The following PDE10A variants were observed in gnomAD, a reference collection of about 807,000 sequenced individuals.
The protein encoded by PDE10A is phosphodiesterase 10A, also known as cAMP and cAMP-inhibited cGMP 3',5'-cyclic phosphodiesterase 10A.
PDE10A carries 39 observed loss-of-function variants against 97.7 expected under a neutral mutation model. That is an observed-to-expected ratio of 0.40 (90% CI 0.31 to 0.52). The LOEUF (loss-of-function observed/expected upper bound fraction) is 0.52. PDE10A is among the 20% of genes least tolerant of loss of function. PDE10A has a pLI of 0.56. For missense variants in PDE10A, 731 were observed against 1,047.8 expected, an observed-to-expected ratio of 0.70 and a Z score of 4.17; for synonymous variants, 371 against 376.8, an observed-to-expected ratio of 0.98 and a Z score of 0.18.
At chr6:165,910,118 C>A (rs954312799) in intron 1 of PDE10A, among the ~76,000 whole-genome samples, 1 of 152,220 alleles carries the variant, frequency 6.6e-6, no homozygotes, top group African/African-American at 2.4e-5. Flanking sequence ...CTGGCATAAA[C>A]TAGATGCTCA....
At chr6:165,343,367 T>A (rs903234216) in intron 19 of PDE10A, 24 bp downstream of exon 19, 85 of 1,431,312 alleles carry the variant, frequency 5.9e-5, no homozygotes, top group Non-Finnish European at 8.1e-5. Flanking sequence ...ACTATCTATG[T>A]CAATATAAGA....
chr6:165,833,146 C>T (rs1779971777), intron 1 of PDE10A, among the ~76,000 whole-genome samples: 1 of 152,216 alleles, frequency 6.6e-6, no homozygotes, highest in Non-Finnish European at 1.5e-5. Context: ...TCATGGATGT[C>T]CCTGTGGCTT....
intron 1 of PDE10A, among the ~76,000 whole-genome samples, chr6:165,619,249 G>GTAGTCTAGCGTAGTGTAGTCTAGCA: frequency 6.9e-6 from 1 of 144,900 alleles, no homozygotes; most frequent in African/African-American, 2.8e-5. Context: ...GTGGTGTAGT[G>GTAGTCTAGCGTAGTGTAGTCTAGCA]TAGTCTAGTG....
intron 1 of PDE10A, among the ~76,000 whole-genome samples, chr6:165,777,552 G>A (rs1778220309): frequency 1.3e-5 from 2 of 152,206 alleles, no homozygotes; most frequent in Non-Finnish European, 2.9e-5. Context: ...TCCTAAGCAA[G>A]ATGGTCAAAT....
At chr6:165,716,261 C>T (rs1792024233) in intron 1 of PDE10A, among the ~76,000 whole-genome samples, 1 of 152,216 alleles carries the variant, frequency 6.6e-6, no homozygotes, top group Non-Finnish European at 1.5e-5. Context: ...GATGAACGCA[C>T]AGTATGATTG....
intron 1 of PDE10A, among the ~76,000 whole-genome samples, chr6:165,784,325 G>A (rs956855464): frequency 6.6e-5 from 10 of 151,980 alleles, no homozygotes; most frequent in South Asian, 2.1e-4. Context: ...CTCAACCATC[G>A]CCTCCCATGA....
In PDE10A at chr6:165,329,101, A is replaced by G. The variant is rs757425423; in HGVS notation, c.*3924T>C. On this transcript the variant is annotated 3_prime_UTR_variant, in exon 22 of 22. Transcript: ENST00000539869. ...TTTAAAGAATTAAATCCTAAATAAA[A>G]TCTGCAAAGTGTAGAAAGCAAACAT... 5 of 152,260 alleles carry G rather than the reference A, an allele frequency of 3.3e-5. No individual in the cohort carries two copies. Among genetic ancestry groups the G allele is most frequent in the Non-Finnish European group, 5.9e-5 (4 of 68,052 alleles). 9.4% of individuals were successfully genotyped at this position (152,260 alleles called of 1,614,324 possible). A position where few individuals can be genotyped will look rare whatever the true frequency, so the allele number is the denominator to read the frequency against.
chr6:165,437,575 T>TACTTTATAGTGGAA (rs1790115368), intron 5 of PDE10A, among the ~76,000 whole-genome samples: 1 of 152,234 alleles, frequency 6.6e-6, no homozygotes, highest in Non-Finnish European at 1.5e-5. Context: ...AATTGAGTAA[T>TACTTTATAGTGGAA]ACTTTATAGT....
rs1790362245 is a variant in PDE10A at position 165,662,873 on chromosome 6, T to TAGGGA, written c.-63_-62insTCCCT. 6.6e-6 allele frequency among the ~76,000 whole-genome samples: 1 copy of TAGGGA among 150,520 alleles called. No individual in the cohort carries two copies. Among genetic ancestry groups the TAGGGA allele is most frequent in the Non-Finnish European group, 1.5e-5 (1 of 67,374 alleles). ...CGGGAGGGGCGCGGCGGGCCGGGGCTCGGTGGGCTCCGCCCCCGCAGGACC... is the reference window on the plus strand; with the variant it reads ...CGGGAGGGGCGCGGCGGGCCGGGGCTAGGGACGGTGGGCTCCGCCCCCGCAGGACC... On this transcript the variant is annotated 5_prime_UTR_variant, in exon 1 of 22. Transcript: ENST00000539869.
chr6:165,659,280 GA>G (rs932069086), intron 1 of PDE10A, among the ~76,000 whole-genome samples: 26 of 144,932 alleles, frequency 1.8e-4, no homozygotes, highest in African/African-American at 2.8e-4. Flanking sequence ...CAAACTGAAA[GA>G]AAAAAAAAAG....
Position 165,819,429 on chromosome 6 carries a change from C to T in PDE10A, c.-615+168100G>A, listed in dbSNP as rs984907044. Among the ~76,000 whole-genome samples, 4 of 152,176 alleles carry T rather than the reference C, an allele frequency of 2.6e-5. No individual in the cohort carries two copies. The highest frequency in any genetic ancestry group is 1.3e-4 in the Admixed American group (2 of 15,272). ...ACCTCCTGCACTGTTCCATTTCATGCAATCCGTCCTCCAGACGGCCGCTGG... is the reference window on the plus strand; with the variant it reads ...ACCTCCTGCACTGTTCCATTTCATGTAATCCGTCCTCCAGACGGCCGCTGG... On this transcript the variant is annotated intron_variant, in intron 1 of 19. Coordinates refer to the PDE10A transcript ENST00000366882. This position sits in a 1 kb window ranked among gnomAD's most constrained non-coding sequence, Gnocchi z 4.2.
chr6:165,863,751 T>C (rs932897177), intron 1 of PDE10A, among the ~76,000 whole-genome samples: 4 of 152,168 alleles, frequency 2.6e-5, no homozygotes, highest in Admixed American at 2.6e-4. Flanking sequence ...GCTCTTAAAA[T>C]ACAGATAAGA....
chr6:165,375,292 T>G (rs1057455138), intron 18 of PDE10A, among the ~76,000 whole-genome samples: 17 of 152,162 alleles, frequency 1.1e-4, no homozygotes, highest in African/African-American at 3.9e-4. Flanking sequence ...AAGAAAAAAT[T>G]CTTCAAGGAA....
At chr6:165,477,651 T>G (rs1372180463) in intron 3 of PDE10A, among the ~76,000 whole-genome samples, 1 of 152,138 alleles carries the variant, frequency 6.6e-6, no homozygotes, top group East Asian at 1.9e-4. Context: ...ATTTCCTAGA[T>G]GATAATTATT....
intron 1 of PDE10A, among the ~76,000 whole-genome samples, chr6:165,612,306 C>T (rs1787531853): frequency 6.6e-6 from 1 of 152,270 alleles, no homozygotes; most frequent in African/African-American, 2.4e-5. Context: ...ATCAGGAATG[C>T]TCTGCTCCTT....
At chr6:165,857,144 C>G (rs1266443872) in intron 1 of PDE10A, among the ~76,000 whole-genome samples, 1 of 152,178 alleles carries the variant, frequency 6.6e-6, no homozygotes, top group Non-Finnish European at 1.5e-5. Flanking sequence ...GGAGCACTTA[C>G]CACCAAGAGA....
chr6:165,575,950 A>T (rs1414735778), intron 1 of PDE10A, among the ~76,000 whole-genome samples: 1 of 130,868 alleles, frequency 7.6e-6, no homozygotes, highest in Non-Finnish European at 1.8e-5. Context: ...GCTAAATATC[A>T]TTATCTCAGT....
intron 2 of PDE10A, among the ~76,000 whole-genome samples, chr6:165,530,648 AAT>A (rs1562553621): frequency 6.6e-6 from 1 of 152,152 alleles, no homozygotes; most frequent in Non-Finnish European, 1.5e-5. Context: ...AAAATTTAAA[AAT>A]AGTTTCCAGC....
chr6:165,376,539 C>A (rs1014195311), intron 18 of PDE10A, among the ~76,000 whole-genome samples: 3 of 152,168 alleles, frequency 2.0e-5, no homozygotes, highest in African/African-American at 7.2e-5. Flanking sequence ...TATCAAACAG[C>A]GTCATAAGCT....
Sources: allele counts gnomAD v4.1 joint callset (sites outside exome capture counted in the v4.1 genomes callset), GRCh38; gene constraint gnomAD v4.1.1; non-coding constraint Gnocchi (gnomAD v3.1); transcripts MANE v1.5; gene names NCBI Gene and HGNC (gene_info 2026-07-23, HGNC 2026-07-21).